Variants in ZEB2 observed in about 807,000 individuals in gnomAD.
ZEB2 encodes the protein zinc finger E-box binding homeobox 2, also known as zinc finger E-box-binding homeobox 2.
In ZEB2, 6 loss-of-function variants were observed where a neutral mutation model predicts 99.9. That is an observed-to-expected ratio of 0.06 (90% CI 0.03 to 0.12). ZEB2 has a LOEUF of 0.12. Among genes scored for constraint, ZEB2 ranks in the 10% least tolerant of loss-of-function variants. ZEB2 has a pLI of 1.00. For missense variants in ZEB2, 969 were observed against 1,502.8 expected (o/e 0.64, Z 5.87); for synonymous variants, 517 against 542.5 (o/e 0.95, Z 0.65).
rs1316383045 is a variant in ZEB2 at position 144,389,559 on chromosome 2, T to A, written c.3537A>T (p.Ile1179=). ...NKSMDTDPET[I]RDEEETGDHS... ...GATCTCCAGTCTCTTCTTCATCTCGTATCGTTTCGGGATCCGTATCCATAC... is the reference window on the plus strand; with the variant it reads ...GATCTCCAGTCTCTTCTTCATCTCGAATCGTTTCGGGATCCGTATCCATAC... Residue 1179 remains isoleucine (I), a synonymous_variant, in exon 10 of 10, where the codon ATA becomes ATT. Transcript: ENST00000627532. This position sits in a 1 kb window ranked among gnomAD's most constrained non-coding sequence, Gnocchi z 6.8. 6 of 1,614,064 alleles carry A rather than the reference T, an allele frequency of 3.7e-6. No individual in the cohort carries two copies. The East Asian group carries it at 1.3e-4, about 36-fold the overall frequency.
In ZEB2 at chr2:144,405,816, A is replaced by G. The variant is rs905964432; in HGVS notation, c.404-792T>C. Among the ~76,000 whole-genome samples the G allele has an allele frequency of 5.9e-5, 9 of 152,362 alleles. No individual in the cohort carries two copies. In the East Asian group the frequency reaches 7.7e-4, roughly 13 times the overall value. ...TTATGACTCTATTCCTGTGAAATGA[A>G]TAACAGTTGTAACTCAATTTTAGCA... is the stretch of plus-strand genomic sequence containing the variant. On this transcript the variant is annotated intron_variant, in intron 4 of 9. Coordinates refer to ENST00000627532, the MANE Select transcript of ZEB2 (RefSeq NM_014795.4).
chr2:144,511,735 G>A (rs1023757515), intron 2 of ZEB2: 35 of 1,285,220 alleles, frequency 2.7e-5, no homozygotes, highest in African/African-American at 7.6e-5. Flanking sequence ...GTGCCTGGAT[G>A]TTTCAAGGCT....
intron 2 of ZEB2, among the ~76,000 whole-genome samples, chr2:144,438,916 G>A (rs1185734439): frequency 1.3e-5 from 2 of 151,948 alleles, no homozygotes; most frequent in East Asian, 1.9e-4. Flanking sequence ...ACCAGACAAC[G>A]GTGAAAGGGA....
intron 2 of ZEB2, among the ~76,000 whole-genome samples, chr2:144,453,932 C>T (rs1309664771): frequency 6.6e-6 from 1 of 152,102 alleles, no homozygotes; most frequent in Non-Finnish European, 1.5e-5. Context: ...GACATTTAGA[C>T]AAAAGTCTTG....
At chr2:144,393,385 T>G (rs1235424453) in intron 9 of ZEB2, among the ~76,000 whole-genome samples, 1 of 152,228 alleles carries the variant, frequency 6.6e-6, no homozygotes, top group Non-Finnish European at 1.5e-5. Context: ...ATTCTATATG[T>G]AAAATTGTAG....
intron 2 of ZEB2, among the ~76,000 whole-genome samples, chr2:144,465,092 G>A (rs573856551): frequency 5.3e-5 from 8 of 152,232 alleles, no homozygotes; most frequent in South Asian, 2.1e-4. Context: ...AGAGTAGCTC[G>A]TATAAGAAAT....
chr2:144,445,981 A>G (rs1431026325), intron 2 of ZEB2, among the ~76,000 whole-genome samples: 1 of 152,170 alleles, frequency 6.6e-6, no homozygotes. Flanking sequence ...CATTTGTTGC[A>G]TCAGCCTTTC....
chr2:144,500,916 C>T (rs202124055), intron 2 of ZEB2, among the ~76,000 whole-genome samples: 1 of 152,088 alleles, frequency 6.6e-6, no homozygotes, highest in African/African-American at 2.4e-5. Flanking sequence ...TGTGCTGTAG[C>T]GCTAGCCTAT....
At chr2:144,447,077 A>G (rs1303062758) in intron 2 of ZEB2, among the ~76,000 whole-genome samples, 2 of 152,152 alleles carry the variant, frequency 1.3e-5, no homozygotes, top group African/African-American at 4.8e-5. Flanking sequence ...CTGATTTTAA[A>G]GTTTTTAAAA....
intron 6 of ZEB2, among the ~76,000 whole-genome samples, chr2:144,401,594 A>G (rs1396590521): frequency 1.3e-5 from 2 of 152,246 alleles, no homozygotes; most frequent in Non-Finnish European, 2.9e-5. Flanking sequence ...ACGAGGAAGT[A>G]TAACTGTAAA....
intron 2 of ZEB2, chr2:144,504,618 C>T (rs1467004377): frequency 2.6e-5 from 4 of 152,082 alleles, no homozygotes; most frequent in African/African-American, 9.7e-5. Context: ...TTTGCACCAT[C>T]GGGAAAAGGT....
chr2:144,483,208 A>G (rs1301536396), intron 2 of ZEB2, among the ~76,000 whole-genome samples: 1 of 151,736 alleles, frequency 6.6e-6, no homozygotes, highest in Admixed American at 6.6e-5. Context: ...GGAAAACATT[A>G]AATATGGAGC....
intron 9 of ZEB2, among the ~76,000 whole-genome samples, chr2:144,395,328 T>C (rs1560604439): frequency 2.0e-5 from 3 of 152,126 alleles, no homozygotes; most frequent in Non-Finnish European, 4.4e-5. Context: ...TCCTTCTTTT[T>C]CTTTTGTGCC....
intron 2 of ZEB2, among the ~76,000 whole-genome samples, chr2:144,452,844 G>A (rs573177303): frequency 2.6e-5 from 4 of 152,150 alleles, no homozygotes; most frequent in Admixed American, 6.5e-5. Flanking sequence ...GTGGGGACAG[G>A]GGGGCTGGCT....
At chr2:144,436,884 G>A (rs1402249508) in intron 2 of ZEB2, among the ~76,000 whole-genome samples, 1 of 152,126 alleles carries the variant, frequency 6.6e-6, no homozygotes, top group Non-Finnish European at 1.5e-5. Context: ...TTTCTTTCAA[G>A]AAGACACGGT....
intron 7 of ZEB2, 105 bp downstream of exon 7, chr2:144,401,094 G>T: frequency 9.6e-7 from 1 of 1,042,056 alleles, no homozygotes; most frequent in Non-Finnish European, 1.5e-6. Context: ...TAAATAGATA[G>T]TTCCAAAAAG....
At chr2:144,397,138 G>A (rs1703240580) in intron 8 of ZEB2, among the ~76,000 whole-genome samples, 1 of 152,056 alleles carries the variant, frequency 6.6e-6, no homozygotes, top group Admixed American at 6.5e-5. Context: ...TTTTATCAAT[G>A]TTCTATGTTA....
intron 2 of ZEB2, among the ~76,000 whole-genome samples, chr2:144,476,285 G>T (rs2149911607): frequency 6.6e-6 from 1 of 152,196 alleles, no homozygotes; most frequent in East Asian, 1.9e-4. Flanking sequence ...GTATGGCTGT[G>T]GATCTATTAT....
intron 2 of ZEB2, among the ~76,000 whole-genome samples, chr2:144,469,381 T>C (rs1227936420): frequency 1.3e-5 from 2 of 152,136 alleles, no homozygotes; most frequent in Non-Finnish European, 2.9e-5. Context: ...CGCAAAGATG[T>C]ATCCAGCTTC....
Sources: gnomAD v4.1 joint callset for allele counts (sites outside exome capture counted in the v4.1 genomes callset) on GRCh38, gnomAD v4.1.1 for gene constraint, Gnocchi (gnomAD v3.1) non-coding constraint, MANE v1.5 for transcripts, NCBI Gene and HGNC (gene_info 2026-07-23, HGNC 2026-07-21) for gene names.